Variants in HOXC9 observed in about 807,000 individuals in gnomAD.
HOXC9 encodes the protein homeobox C9.
In HOXC9, 10 loss-of-function variants were observed where a neutral mutation model predicts 20.0. That is an observed-to-expected ratio of 0.50 (90% CI 0.31 to 0.85). HOXC9 has a LOEUF of 0.85. HOXC9 is among the 40% of genes least tolerant of loss of function. HOXC9 has a pLI of 0.05. For missense variants in HOXC9, 394 were observed against 376.7 expected (o/e 1.05, Z -0.38); for synonymous variants, 200 against 163.7 (o/e 1.22, Z -1.69).
At chr12:54,001,458 A>ACTCT (rs993393820) in intron 1 of HOXC9, among the ~76,000 whole-genome samples, 1 of 148,426 alleles carries the variant, frequency 6.7e-6, no homozygotes, top group Non-Finnish European at 1.5e-5. Flanking sequence ...ACACACACTC[A>ACTCT]CTCTCACTCA....
rs936167710 is a variant in HOXC9 at position 54,002,945 on chromosome 12, G to A, written c.*271G>A. ...TGCGTTCTCTTTCCCCAGCGCAACC[G>A]AAATAAATGACACATACAAATGTGA... On this transcript the variant is annotated 3_prime_UTR_variant, in exon 2 of 2. Coordinates refer to ENST00000303450, the MANE Select transcript of HOXC9 (RefSeq NM_006897.3). 7 of 322,386 alleles carry A rather than the reference G, an allele frequency of 2.2e-5. No individual in the cohort carries two copies. Among genetic ancestry groups the A allele is most frequent in the African/African-American group, 8.5e-5 (4 of 47,056 alleles). The allele number at this position is 322,386 out of a possible 1,614,324, so 20.0% of individuals were successfully genotyped here. A position where few individuals can be genotyped will look rare whatever the true frequency, so the allele number is the denominator to read the frequency against.
intron 1 of HOXC9, among the ~76,000 whole-genome samples, chr12:54,001,270 A>G (rs12313705): frequency 0.57 from 87,108 of 151,776 alleles, 25,193 homozygotes; most frequent in East Asian, 0.76. Context: ...TCGAAGCCTG[A>G]GAACTTGGAG....
Position 54,000,196 on chromosome 12 carries a change from C to T in HOXC9, c.8C>T (p.Ala3Val), listed in dbSNP as rs1939694394. The change falls in exon 1 of 2, where the codon GCG becomes GTG. Residue 3 changes from alanine (A) to valine (V), a missense_variant. Ala to Val is a moderately conservative substitution (Grantham distance 64, BLOSUM62 0). Transcript: ENST00000303450. MSATGPISNYYVD... is the reference protein window; with the variant it reads MSVTGPISNYYVD... ...ATGTAAAACCCCGTTACGATGTCGG[C>T]GACGGGGCCCATCAGTAACTATTAC... 1 of 1,613,882 alleles carries T rather than the reference C, an allele frequency of 6.2e-7. No homozygotes were observed. Among genetic ancestry groups the T allele is most frequent in the Non-Finnish European group, 8.5e-7 (1 of 1,179,952 alleles).
In HOXC9 at chr12:54,000,547, C is replaced by T. The variant is rs548330067; in HGVS notation, c.359C>T (p.Pro120Leu). The change falls in exon 1 of 2, where the codon CCG becomes CTG. Residue 120 changes from proline to leucine, a missense_variant. Coordinates refer to ENST00000303450, the MANE Select transcript of HOXC9 (RefSeq NM_006897.3). ...PAGGRHYALK[P>L]DAYPGRRADC... is the part of the protein sequence containing the mutation. ...GGGGGCCGTCACTACGCCCTCAAGC[C>T]GGACGCCTACCCCGGGCGCCGCGCG... 2 of 1,553,756 alleles carry T rather than the reference C, an allele frequency of 1.3e-6. No homozygotes were observed. The highest frequency in any genetic ancestry group is 1.9e-5 in the Admixed American group (1 of 52,446).
rs138893249 is a variant in HOXC9 at position 54,001,907 on chromosome 12, C to T, written c.539-523C>T. Among the ~76,000 whole-genome samples, 58 of 152,150 alleles carry T rather than the reference C, an allele frequency of 3.8e-4. 1 individual carries two copies. Among genetic ancestry groups the T allele is most frequent in the African/African-American group, 1.3e-3 (55 of 41,510 alleles). ...TCAGCATCACCCTGAGAATTCGCCT[C>T]AGCAGGGTTGAACTCCAAGCGGGAG... On this transcript the variant is annotated intron_variant, in intron 1 of 1. Transcript: ENST00000303450.
At chr12:54,001,492 C>T (rs998078725) in intron 1 of HOXC9, among the ~76,000 whole-genome samples, 2 of 151,342 alleles carry the variant, frequency 1.3e-5, no homozygotes, top group African/African-American at 4.9e-5. Flanking sequence ...GGGAGACAGG[C>T]GCCTTCTGAG....
rs1341880172 is a variant in HOXC9, at chr12:54,002,802, T to TA, written c.*133dup. On this transcript the variant is annotated 3_prime_UTR_variant, in exon 2 of 2. Coordinates refer to ENST00000303450, the MANE Select transcript of HOXC9 (RefSeq NM_006897.3). The stretch of plus-strand genomic sequence containing the variant: ...CAAGATAGACAAAAGCCAATCAGCT[T>TA]AAAAAGAAAAACAAGGAAGGGGAAA... 4 of 1,110,538 alleles carry TA rather than the reference T, an allele frequency of 3.6e-6. No homozygotes were observed. Among genetic ancestry groups the TA allele is most frequent in the Non-Finnish European group, 5.0e-6 (4 of 796,528 alleles). 68.8% of individuals were successfully genotyped at this position (1,110,538 alleles called of 1,614,324 possible). A position where few individuals can be genotyped will look rare whatever the true frequency, so the allele number is the denominator to read the frequency against.
In HOXC9 at chr12:54,002,710, G is replaced by A. The variant is rs1802307055; in HGVS notation, c.*36G>A. The A allele has an allele frequency of 3.2e-6, 5 of 1,564,464 alleles. No individual in the cohort carries two copies. The highest frequency in any genetic ancestry group is 1.4e-5 in the African/African-American group (1 of 72,610). On this transcript the variant is annotated 3_prime_UTR_variant, in exon 2 of 2. Transcript: ENST00000303450. ...GCCTGCTGCCTCAGCACAGCCAAGG[G>A]AAAAACAAAAACCCCACAAAATACC...
At chr12:54,002,039 AGAG>A (rs1305706823) in intron 1 of HOXC9, among the ~76,000 whole-genome samples, 1 of 149,124 alleles carries the variant, frequency 6.7e-6, no homozygotes, top group Non-Finnish European at 1.5e-5. Context: ...GGGAGGGGGC[AGAG>A]GAGGAGGGAG....
rs764451910 is a variant in HOXC9 at position 54,002,455 on chromosome 12, C to T, written c.564C>T (p.His188=). 1.3e-5 allele frequency: 21 copies of T among 1,613,924 alleles called. No homozygotes were observed. The highest frequency in any genetic ancestry group is 6.6e-5 in the South Asian group (6 of 91,066). The part of the protein sequence containing the change: ...DPSNPVANWI[H]ARSTRKKRCP... Reference sequence around the variant, plus strand: ...GCAACCCCGTGGCCAACTGGATTCACGCCCGCTCCACGAGGAAGAAGCGCT... The same window carrying T: ...GCAACCCCGTGGCCAACTGGATTCATGCCCGCTCCACGAGGAAGAAGCGCT... Residue 188 remains histidine, a synonymous_variant, in exon 2 of 2, where the codon CAC becomes CAT. Coordinates refer to ENST00000303450, the MANE Select transcript of HOXC9 (RefSeq NM_006897.3).
At chr12:54,000,993 C>G (rs976429738) in intron 1 of HOXC9, among the ~76,000 whole-genome samples, 1 of 152,182 alleles carries the variant, frequency 6.6e-6, no homozygotes, top group African/African-American at 2.4e-5. Context: ...CCCCCTCCTC[C>G]CAGCCCAGGC....
rs753499438 is a variant in HOXC9 at position 54,002,446 on chromosome 12, C to G, written c.555C>G (p.Asn185Lys). 1.7e-5 allele frequency: 27 copies of G among 1,613,830 alleles called. No homozygotes were observed. In the Admixed American group the frequency reaches 4.2e-4, roughly 25 times the overall value. ...GCCCTCCAGGCAACCCCGTGGCCAACTGGATTCACGCCCGCTCCACGAGGA... is the reference window on the plus strand; with the variant it reads ...GCCCTCCAGGCAACCCCGTGGCCAAGTGGATTCACGCCCGCTCCACGAGGA... ...ADLDPSNPVA[N>K]WIHARSTRKK... The change falls in exon 2 of 2, where the codon AAC (asparagine) becomes AAG (lysine). Residue 185 changes from asparagine to lysine, a missense_variant. Physicochemically the swap from Asn to Lys is moderately conservative, Grantham distance 94 (BLOSUM62 0). Coordinates refer to ENST00000303450, the MANE Select transcript of HOXC9 (RefSeq NM_006897.3).
Position 54,001,729 on chromosome 12 carries a change from A to G in HOXC9, c.539-701A>G, listed in dbSNP as rs1939749032. Among the ~76,000 whole-genome samples, 5 of 152,160 alleles carry G rather than the reference A, an allele frequency of 3.3e-5. No homozygotes were observed. The South Asian group carries it at 1.0e-3, about 32-fold the overall frequency. On this transcript the variant is annotated intron_variant, in intron 1 of 1. Transcript: ENST00000303450. ...TCCCTCCCTGCCCTCAGCTACTCCC[A>G]TAAACCTGAAATTGGAGGCTTGGCT...
chr12:54,002,026 G>T (rs975780346), intron 1 of HOXC9, among the ~76,000 whole-genome samples: 1 of 151,348 alleles, frequency 6.6e-6, no homozygotes, highest in Non-Finnish European at 1.5e-5. Flanking sequence ...GGGCTGGGAG[G>T]ATGGGAGGGG....
chr12:54,000,837 G>A, intron 1 of HOXC9, 111 bp downstream of exon 1: 1 of 960,702 alleles, frequency 1.0e-6, no homozygotes, highest in Non-Finnish European at 1.5e-6. Context: ...CGGGAGAGGG[G>A]CGAGGGGGCG....
chr12:54,000,323 G>A lies in HOXC9; in HGVS notation c.135G>A (p.Pro45=), dbSNP rs1939699749. The stretch of plus-strand genomic sequence containing the variant: ...CCGCCAGACCCAGCGGTTTGGTGCC[G>A]GACTGTAGCGATTTTCCGTCCTGTA... ...PAAARPSGLV[P]DCSDFPSCSF... is the part of the protein sequence containing the mutation. The change falls in exon 1 of 2, where the codon CCG becomes CCA. Residue 45 remains proline, a synonymous_variant. Transcript: ENST00000303450. 2 of 1,613,964 alleles carry A rather than the reference G, an allele frequency of 1.2e-6. No homozygotes were observed. Among genetic ancestry groups the A allele is most frequent in the East Asian group, 2.2e-5 (1 of 44,890 alleles).
rs1939790279 is a variant in HOXC9 at position 54,003,202 on chromosome 12, A to AGGCC, written c.*532_*535dup. ...GCCGCGGGCTAGGTCGGGCCCGTGC[A>AGGCC]GGCCGGCGCCTTGGGCTGTACATAG... On this transcript the variant is annotated 3_prime_UTR_variant, in exon 2 of 2. Coordinates refer to ENST00000303450, the MANE Select transcript of HOXC9 (RefSeq NM_006897.3). 1 of 154,198 alleles carries AGGCC rather than the reference A, an allele frequency of 6.5e-6. No homozygotes were observed. The highest frequency in any genetic ancestry group is 1.9e-4 in the East Asian group (1 of 5,216). 9.6% of individuals were successfully genotyped at this position (154,198 alleles called of 1,614,324 possible).
rs1939781696 is a variant in HOXC9 at position 54,002,956 on chromosome 12, C to G, written c.*282C>G. On this transcript the variant is annotated 3_prime_UTR_variant, in exon 2 of 2. Coordinates refer to ENST00000303450, the MANE Select transcript of HOXC9 (RefSeq NM_006897.3). ...TCCCCAGCGCAACCGAAATAAATGA[C>G]ACATACAAATGTGATTTTTTTCCTC... 1 of 300,396 alleles carries G rather than the reference C, an allele frequency of 3.3e-6. No homozygotes were observed. The highest frequency in any genetic ancestry group is 6.1e-6 in the Non-Finnish European group (1 of 163,130). 18.6% of individuals were successfully genotyped at this position (300,396 alleles called of 1,614,324 possible).
In HOXC9 at chr12:54,003,081, C is replaced by T; in HGVS notation, c.*407C>T. On this transcript the variant is annotated 3_prime_UTR_variant, in exon 2 of 2. Transcript: ENST00000303450. ...CATCCCTCCCCGGGCCTGGGGCGCT[C>T]TGCGTGCAGATTTTGTACAAAAAAA... 6.5e-6 allele frequency: 1 copy of T among 154,214 alleles called. No individual in the cohort carries two copies. The highest frequency in any genetic ancestry group is 1.4e-5 in the Non-Finnish European group (1 of 70,154). 9.6% of individuals were successfully genotyped at this position (154,214 alleles called of 1,614,324 possible).
Sources: gnomAD v4.1 joint callset for allele counts (sites outside exome capture counted in the v4.1 genomes callset) on GRCh38, gnomAD v4.1.1 for gene constraint, MANE v1.5 for transcripts, NCBI Gene and HGNC (gene_info 2026-07-23, HGNC 2026-07-21) for gene names.